Variants in LRRC7 observed in about 807,000 individuals in gnomAD.
LRRC7 encodes the protein leucine-rich repeat-containing protein 7.
LRRC7 carries 23 observed loss-of-function variants against 175.7 expected under a neutral mutation model. The observed-to-expected ratio is 0.13, with a 90% CI of 0.09 to 0.19. The LOEUF (loss-of-function observed/expected upper bound fraction) is 0.19, where lower values mean the gene tolerates loss of function less well. LRRC7 is among the 10% of genes least tolerant of loss of function. LRRC7 has a pLI of 1.00. For synonymous variants in LRRC7, 685 were observed against 680.9 expected (o/e 1.01, Z -0.09); for missense variants, 1,354 against 1,904.7 (o/e 0.71, Z 5.38).
chr1:69,877,498 T>A (rs1459134378), intron 7 of LRRC7, among the ~76,000 whole-genome samples: 1 of 152,150 alleles, frequency 6.6e-6, no homozygotes. Context: ...CCAGTTTTAT[T>A]GAGGTGTGTG....
intron 2 of LRRC7, among the ~76,000 whole-genome samples, chr1:69,728,247 A>T (rs934250209): frequency 6.7e-4 from 102 of 152,274 alleles, no homozygotes; most frequent in African/African-American, 2.4e-3. Context: ...TCTCCCTATT[A>T]AAAAAATGGG....
At chr1:69,781,684 A>AAAGAAAG (rs1557718738) in intron 3 of LRRC7, among the ~76,000 whole-genome samples, 1 of 93,178 alleles carries the variant, frequency 1.1e-5, no homozygotes, top group Non-Finnish European at 2.1e-5. Flanking sequence ...TGTCTCAAAA[A>AAAGAAAG]AAAGAAGAAA....
At chr1:70,029,482 C>G (rs934631119) in intron 18 of LRRC7, among the ~76,000 whole-genome samples, 3 of 147,802 alleles carry the variant, frequency 2.0e-5, no homozygotes, top group Non-Finnish European at 3.0e-5. Flanking sequence ...GGGAATACAG[C>G]TAGATTTCTA....
At chr1:70,046,117 A>G (rs182323906) in intron 22 of LRRC7, among the ~76,000 whole-genome samples, 1 of 152,244 alleles carries the variant, frequency 6.6e-6, no homozygotes, top group East Asian at 1.9e-4. Context: ...TCATATGAAG[A>G]TGCCCCTATT....
chr1:69,620,162 G>T (rs927379435), intron 1 of LRRC7, among the ~76,000 whole-genome samples: 1 of 152,026 alleles, frequency 6.6e-6, no homozygotes, highest in Admixed American at 6.6e-5. Flanking sequence ...AAAGAAATTT[G>T]CAACATTCTT....
chr1:69,970,230 AC>A (rs1281298185), intron 8 of LRRC7, among the ~76,000 whole-genome samples: 2 of 152,148 alleles, frequency 1.3e-5, no homozygotes, highest in African/African-American at 4.8e-5. Context: ...AACTAGAGAA[AC>A]AAGAACAAAC....
intron 17 of LRRC7, among the ~76,000 whole-genome samples, chr1:70,024,931 T>TA (rs1170168914): frequency 6.6e-6 from 1 of 152,114 alleles, no homozygotes; most frequent in Non-Finnish European, 1.5e-5. Context: ...TAGCTTTATT[T>TA]AAAAAAATAG....
intron 4 of LRRC7, among the ~76,000 whole-genome samples, chr1:69,819,575 C>CTGTGTGTGTGTG (rs1343426681): frequency 1.3e-3 from 167 of 133,282 alleles, no homozygotes; most frequent in African/African-American, 4.9e-3. Context: ...CTCTCTCTCT[C>CTGTGTGTGTGTG]TCTGTGTGTG....
At chr1:69,725,657 A>G (rs770891106) in intron 2 of LRRC7, among the ~76,000 whole-genome samples, 3 of 152,156 alleles carry the variant, frequency 2.0e-5, no homozygotes, top group Admixed American at 1.3e-4. Context: ...AGTTATTGGA[A>G]CTCTGGGGTG....
At chr1:69,945,931 A>G (rs1649261857) in intron 8 of LRRC7, among the ~76,000 whole-genome samples, 1 of 152,120 alleles carries the variant, frequency 6.6e-6, no homozygotes, top group African/African-American at 2.4e-5. Context: ...GTAAGCAGAG[A>G]CATTTTACAT....
intron 23 of LRRC7, among the ~76,000 whole-genome samples, chr1:70,061,238 C>A (rs911760927): frequency 6.6e-6 from 1 of 152,112 alleles, no homozygotes; most frequent in Non-Finnish European, 1.5e-5. Context: ...GTCCCTAAAA[C>A]TCAGAAACAA....
chr1:69,758,930 C>T (rs1439017129), intron 2 of LRRC7, among the ~76,000 whole-genome samples: 1 of 151,878 alleles, frequency 6.6e-6, no homozygotes, highest in Non-Finnish European at 1.5e-5. Flanking sequence ...AAGTTAAATG[C>T]AAGTTTCAAA....
At chr1:69,906,311 G>A (rs1487961238) in intron 7 of LRRC7, among the ~76,000 whole-genome samples, 4 of 152,180 alleles carry the variant, frequency 2.6e-5, no homozygotes, top group Non-Finnish European at 5.9e-5. Context: ...TGCTTTTGGT[G>A]TTTTAGACAT....
At chr1:69,980,904 A>G (rs1238434878) in intron 9 of LRRC7, among the ~76,000 whole-genome samples, 1 of 152,190 alleles carries the variant, frequency 6.6e-6, no homozygotes, top group East Asian at 1.9e-4. Context: ...TTTTCAATAG[A>G]ACCCATGTGA....
At chr1:69,991,025 C>T (rs1339884363) in intron 10 of LRRC7, among the ~76,000 whole-genome samples, 1 of 152,006 alleles carries the variant, frequency 6.6e-6, no homozygotes, top group Non-Finnish European at 1.5e-5. Flanking sequence ...CACAGTGGCA[C>T]ACACTTGCAG....
At chr1:69,919,728 A>G (rs879149047) in intron 7 of LRRC7, 1 of 1,021,810 alleles carries the variant, frequency 9.8e-7, no homozygotes, top group Non-Finnish European at 1.5e-6. Flanking sequence ...GCCTTCAGCA[A>G]AGGTCAGATG....
intron 7 of LRRC7, among the ~76,000 whole-genome samples, chr1:69,918,643 C>G (rs534034927): frequency 1.3e-5 from 2 of 152,134 alleles, no homozygotes; most frequent in South Asian, 4.2e-4. Context: ...AATGCCATCT[C>G]TGAAAACAGA....
chr1:70,121,641 C>A, intron 26 of LRRC7, 139 bp from the exon 27 acceptor site: 3 of 591,694 alleles, frequency 5.1e-6, no homozygotes, highest in South Asian at 2.4e-5. Flanking sequence ...TAGTTACTTC[C>A]ATAATTGCGA....
At chr1:70,102,943 C>G (rs578166876) in intron 25 of LRRC7, among the ~76,000 whole-genome samples, 2 of 152,174 alleles carry the variant, frequency 1.3e-5, no homozygotes, top group Admixed American at 6.5e-5. Context: ...TCAAAAACAT[C>G]CTAGGCTGGA....
Sources: allele counts gnomAD v4.1 joint callset (sites outside exome capture counted in the v4.1 genomes callset), GRCh38; gene constraint gnomAD v4.1.1; transcripts MANE v1.5; gene names NCBI Gene and HGNC (gene_info 2026-07-23, HGNC 2026-07-21).